The following PPP2R2C variants were observed in gnomAD, a reference collection of about 807,000 sequenced individuals.
PPP2R2C encodes protein phosphatase 2, regulatory subunit B, gamma.
PPP2R2C carries 10 observed loss-of-function variants against 45.3 expected under a neutral mutation model. The ratio of observed to expected loss-of-function variants is 0.22; its 90% CI spans 0.14 to 0.37. The LOEUF (loss-of-function observed/expected upper bound fraction) is 0.37, where lower values mean the gene tolerates loss of function less well. Ranked by LOEUF, PPP2R2C falls within the 10% of genes least tolerant of loss-of-function variation. PPP2R2C has a pLI of 1.00. For synonymous variants in PPP2R2C, 257 were observed against 245.4 expected, an observed-to-expected ratio of 1.05 and a Z score of -0.44; for missense variants, 308 against 619.7, an observed-to-expected ratio of 0.50 and a Z score of 5.34.
rs80231699 is a variant in PPP2R2C, at chr4:6,424,733, C to A, written c.71-43639G>T. 5.3e-3 allele frequency among the ~76,000 whole-genome samples: 811 copies of A among 152,202 alleles called. 8 individuals are homozygous for A. Among genetic ancestry groups the A allele is most frequent in the African/African-American group, 0.019 (769 of 41,542 alleles). ...GTGTGCAAGGGTTCAGGGATGGGAC[C>A]GTGTGGGAGATGCAGGGGTGGGGGC... On this transcript the variant is annotated intron_variant, in intron 1 of 8. Coordinates refer to ENST00000382599, the MANE Select transcript of PPP2R2C (RefSeq NM_020416.4).
intron 1 of PPP2R2C, among the ~76,000 whole-genome samples, chr4:6,385,567 A>G (rs575028247): frequency 6.6e-6 from 1 of 151,496 alleles, no homozygotes; most frequent in South Asian, 2.1e-4. Flanking sequence ...GCAGGCTTTT[A>G]TTTTATTTAT....
chr4:6,473,794 C>G (rs1722038303), upstream of PPP2R2C, among the ~76,000 whole-genome samples: 1 of 152,220 alleles, frequency 6.6e-6, no homozygotes, highest in African/African-American at 2.4e-5. Flanking sequence ...GTGATGCCGT[C>G]TCAGATTTCT....
At chr4:6,478,804 C>G (rs1336484633) in intron 2 of PPP2R2C, among the ~76,000 whole-genome samples, 1 of 152,256 alleles carries the variant, frequency 6.6e-6, no homozygotes, top group Non-Finnish European at 1.5e-5. Context: ...GCGTGTGCAT[C>G]TCGAGTGGGC....
intron 1 of PPP2R2C, among the ~76,000 whole-genome samples, chr4:6,410,302 C>T (rs996796012): frequency 9.9e-5 from 15 of 152,154 alleles, no homozygotes; most frequent in Admixed American, 8.5e-4. Context: ...CAAACCTCAG[C>T]GTGTGATTTA....
At chr4:6,404,036 T>C (rs1025734923) in intron 1 of PPP2R2C, among the ~76,000 whole-genome samples, 1 of 152,128 alleles carries the variant, frequency 6.6e-6, no homozygotes, top group African/African-American at 2.4e-5. Flanking sequence ...TGACATGACC[T>C]GCCTGTGGAG....
At chr4:6,459,698 A>C (rs1721222890) in intron 1 of PPP2R2C, among the ~76,000 whole-genome samples, 1 of 152,182 alleles carries the variant, frequency 6.6e-6, no homozygotes, top group African/African-American at 2.4e-5. Context: ...GAGAGACAAG[A>C]ATTGCTTGAG....
chr4:6,512,545 ATGGTGGTGATGGTGGTGG>A (rs1560595577), intron 2 of PPP2R2C, among the ~76,000 whole-genome samples: 2 of 41,974 alleles, frequency 4.8e-5, no homozygotes, highest in African/African-American at 2.1e-4. Flanking sequence ...GATGGTGGTG[ATGGTGGTGATGGTGGTGG>A]TGGTGGTGAT....
chr4:6,482,829 A>C (rs1722402188), intron 2 of PPP2R2C, among the ~76,000 whole-genome samples: 1 of 152,190 alleles, frequency 6.6e-6, no homozygotes, highest in South Asian at 2.1e-4. Flanking sequence ...TCATCATGAA[A>C]AATGATGTTT....
In PPP2R2C at chr4:6,329,242, G is replaced by C. The variant is rs376857942; in HGVS notation, c.1052+20C>G. On this transcript the variant is annotated intron_variant, in intron 8 of 8. Coordinates refer to ENST00000382599, the MANE Select transcript of PPP2R2C (RefSeq NM_020416.4). This position sits in a 1 kb window ranked among gnomAD's most constrained non-coding sequence, Gnocchi z 5.8. The stretch of plus-strand genomic sequence containing the variant: ...CCCTCCCTACGGTGAGGTGAGGTGC[G>C]GGCTGAGGTCAGGGCTTACCTGTCG... The C allele has an allele frequency of 1.2e-6, 2 of 1,607,794 alleles. No homozygotes were observed. The highest frequency in any genetic ancestry group is 2.2e-5 in the East Asian group (1 of 44,812).
intron 5 of PPP2R2C, among the ~76,000 whole-genome samples, chr4:6,365,462 C>T (rs547214866): frequency 3.9e-5 from 6 of 152,288 alleles, no homozygotes; most frequent in African/African-American, 1.2e-4. Context: ...TACTCATCGG[C>T]CATTCCACCT....
chr4:6,552,932 TG>T (rs959511407), intron 1 of PPP2R2C, among the ~76,000 whole-genome samples: 1 of 152,184 alleles, frequency 6.6e-6, no homozygotes, highest in African/African-American at 2.4e-5. Context: ...CCAGTTCCAA[TG>T]GCCTCCATAG....
intron 6 of PPP2R2C, among the ~76,000 whole-genome samples, chr4:6,343,883 A>G (rs989493867): frequency 6.6e-6 from 1 of 152,350 alleles, no homozygotes. Flanking sequence ...CAAAGAGAGT[A>G]TAAGAAAAGA....
At chr4:6,373,390 A>C (rs1431437050) in intron 4 of PPP2R2C, among the ~76,000 whole-genome samples, 1 of 152,136 alleles carries the variant, frequency 6.6e-6, no homozygotes, top group Non-Finnish European at 1.5e-5. Flanking sequence ...ACGAACTTTC[A>C]TCTCAGACAG....
chr4:6,510,435 T>C (rs1033038751), intron 2 of PPP2R2C, among the ~76,000 whole-genome samples: 63 of 152,216 alleles, frequency 4.1e-4, no homozygotes, highest in African/African-American at 1.5e-3. Context: ...CCTTTCTCCA[T>C]CATCACCTTC....
intron 1 of PPP2R2C, among the ~76,000 whole-genome samples, chr4:6,549,614 G>A (rs1390290840): frequency 5.9e-5 from 9 of 152,182 alleles, no homozygotes; most frequent in Admixed American, 5.9e-4. Context: ...GTGGCCACAG[G>A]TTTGCAGCCC....
chr4:6,395,079 T>C (rs1226127244), intron 1 of PPP2R2C, among the ~76,000 whole-genome samples: 1 of 152,122 alleles, frequency 6.6e-6, no homozygotes, highest in East Asian at 1.9e-4. Context: ...CTGGATTTCC[T>C]GTCTTCATCT....
At chr4:6,528,813 T>C (rs55800290) in intron 2 of PPP2R2C, among the ~76,000 whole-genome samples, 18,551 of 152,146 alleles carry the variant, frequency 0.12, 1,271 homozygotes, top group Middle Eastern at 0.22. Flanking sequence ...GAGCACCTTG[T>C]GACCCCCACT....
intron 2 of PPP2R2C, among the ~76,000 whole-genome samples, chr4:6,504,895 A>T (rs1723170923): frequency 6.6e-6 from 1 of 152,216 alleles, no homozygotes; most frequent in South Asian, 2.1e-4. Flanking sequence ...CAATGGCTGA[A>T]AATGACCCCA....
intron 3 of PPP2R2C, among the ~76,000 whole-genome samples, chr4:6,377,400 A>G (rs1715404370): frequency 6.6e-6 from 1 of 152,062 alleles, no homozygotes. Flanking sequence ...TCATGCCTGT[A>G]ATCCCAGCAC....
Sources: gnomAD v4.1 joint callset for allele counts (sites outside exome capture counted in the v4.1 genomes callset) on GRCh38, gnomAD v4.1.1 for gene constraint, Gnocchi (gnomAD v3.1) non-coding constraint, MANE v1.5 for transcripts, NCBI Gene and HGNC (gene_info 2026-07-23, HGNC 2026-07-21) for gene names.